The following RGS17 variants were observed in gnomAD, a reference collection of about 807,000 sequenced individuals.
The protein encoded by RGS17 is regulator of G protein signaling 17.
RGS17 carries 12 observed loss-of-function variants against 25.5 expected under a neutral mutation model. The ratio of observed to expected loss-of-function variants is 0.47; its 90% CI spans 0.30 to 0.76. The LOEUF (loss-of-function observed/expected upper bound fraction) is 0.76, where lower values mean the gene tolerates loss of function less well. Among genes scored for constraint, RGS17 ranks in the 30% least tolerant of loss-of-function variants. The pLI, the probability that RGS17 is intolerant of heterozygous loss-of-function variation, is 0.07. For missense variants in RGS17, 196 were observed against 242.2 expected (o/e 0.81, Z 1.27); for synonymous variants, 71 against 76.9 (o/e 0.92, Z 0.40).
At position 153,027,852 on chromosome 6, in the gene RGS17, A is replaced by T. The variant is rs377745975; in HGVS notation, c.120-1309T>A. Reference sequence around the variant, plus strand: ...TGTGAATGCAAAGAAGGGTCACTAAACATCGTTGGTATGGAAAGAAAGTGT... The same window carrying T: ...TGTGAATGCAAAGAAGGGTCACTAATCATCGTTGGTATGGAAAGAAAGTGT... On this transcript the variant is annotated intron_variant, in intron 2 of 4. Coordinates refer to ENST00000206262, the MANE Select transcript of RGS17 (RefSeq NM_012419.5). Among the ~76,000 whole-genome samples the T allele has an allele frequency of 4.6e-5, 7 of 152,338 alleles. 1 individual carries two copies. The highest frequency in any genetic ancestry group is 1.9e-4 in the East Asian group (1 of 5,178).
intron 4 of RGS17, chr6:153,023,367 G>A (rs1779265654): frequency 2.0e-6 from 1 of 510,118 alleles, no homozygotes; most frequent in South Asian, 1.4e-5. Flanking sequence ...GGCTGGGATG[G>A]AAAAGAGAAG....
rs1779096606 is a variant in RGS17 at position 153,008,240 on chromosome 6, C to A, written c.*3334G>T. 6.6e-6 allele frequency: 1 copy of A among 152,040 alleles called. No homozygotes were observed. Among genetic ancestry groups the A allele is most frequent in the Admixed American group, 6.6e-5 (1 of 15,260 alleles). 9.4% of individuals were successfully genotyped at this position (152,040 alleles called of 1,614,324 possible). A position where few individuals can be genotyped will look rare whatever the true frequency, so the allele number is the denominator to read the frequency against. ...ACGTATTTCATTCTGTAAGTCAGAA[C>A]CTAGGCAGCATTAAAGGATACTAAT... On this transcript the variant is annotated 3_prime_UTR_variant, in exon 5 of 5. Transcript: ENST00000206262.
chr6:153,011,873 T>A, intron 4 of RGS17, 111 bp from the exon 5 acceptor site: 2 of 727,376 alleles, frequency 2.7e-6, no homozygotes, highest in Non-Finnish European at 4.3e-6. Context: ...CAAATCCAAC[T>A]ACCAAAAGTC....
intron 4 of RGS17, among the ~76,000 whole-genome samples, chr6:153,016,431 A>G (rs549587297): frequency 1.3e-5 from 2 of 152,250 alleles, no homozygotes; most frequent in African/African-American, 4.8e-5. Flanking sequence ...AGGAAACCTT[A>G]CATTAGAGAT....
In RGS17 at chr6:153,005,458, C is replaced by T. The variant is rs1218613545; in HGVS notation, c.*6116G>A. 1 of 152,144 alleles carries T rather than the reference C, an allele frequency of 6.6e-6. No individual in the cohort carries two copies. Among genetic ancestry groups the T allele is most frequent in the African/African-American group, 2.4e-5 (1 of 41,430 alleles). The allele number at this position is 152,144 out of a possible 1,614,324, so 9.4% of individuals were successfully genotyped here. The stretch of plus-strand genomic sequence containing the variant: ...CTTCAATATAATCTCTTTAAAAACG[C>T]ATTACTTTACAGTGGAGAAATATAA... On this transcript the variant is annotated 3_prime_UTR_variant, in exon 5 of 5. Coordinates refer to ENST00000206262, the MANE Select transcript of RGS17 (RefSeq NM_012419.5).
intron 3 of RGS17, among the ~76,000 whole-genome samples, chr6:153,025,689 T>C (rs1779293233): frequency 8.3e-6 from 1 of 120,876 alleles, no homozygotes; most frequent in South Asian, 3.0e-4. Flanking sequence ...TATATAAACA[T>C]ATATATAAAA....
chr6:153,110,065 T>C (rs1481787777), intron 1 of RGS17, among the ~76,000 whole-genome samples: 1 of 152,236 alleles, frequency 6.6e-6, no homozygotes, highest in East Asian at 1.9e-4. Context: ...TTCTAGGAAA[T>C]ACCATGGTAT....
intron 1 of RGS17, among the ~76,000 whole-genome samples, chr6:153,091,567 C>T (rs1409769241): frequency 1.3e-5 from 2 of 151,780 alleles, no homozygotes; most frequent in African/African-American, 2.4e-5. Flanking sequence ...CAGGATTGCA[C>T]ACAGGTGCAA....
intron 4 of RGS17, among the ~76,000 whole-genome samples, chr6:153,020,187 A>G (rs1162159570): frequency 2.8e-5 from 3 of 105,974 alleles, no homozygotes; most frequent in African/African-American, 7.4e-5. Context: ...AGAGTCTCGC[A>G]CTTTTGCCCA....
intron 1 of RGS17, among the ~76,000 whole-genome samples, chr6:153,071,863 C>A (rs1046149545): frequency 6.6e-6 from 1 of 152,020 alleles, no homozygotes; most frequent in Non-Finnish European, 1.5e-5. Flanking sequence ...ACTCTTTGGG[C>A]AAGTTATCTA....
chr6:153,083,600 T>C (rs373086416), intron 1 of RGS17, among the ~76,000 whole-genome samples: 2 of 152,148 alleles, frequency 1.3e-5, no homozygotes, highest in African/African-American at 4.8e-5. Context: ...TTTTGGACAA[T>C]ATTTATAGGG....
intron 1 of RGS17, among the ~76,000 whole-genome samples, chr6:153,121,850 G>A (rs1476285753): frequency 6.6e-6 from 1 of 152,024 alleles, no homozygotes; most frequent in Non-Finnish European, 1.5e-5. Context: ...CAAGAAAAGG[G>A]CTTCACATTT....
intron 1 of RGS17, among the ~76,000 whole-genome samples, chr6:153,087,747 C>T (rs1047385389): frequency 1.3e-5 from 2 of 152,190 alleles, no homozygotes; most frequent in African/African-American, 4.8e-5. Context: ...AGAGAGGATA[C>T]TTAATGAGCT....
At chr6:153,015,778 T>C (rs534076611) in intron 4 of RGS17, among the ~76,000 whole-genome samples, 13 of 152,102 alleles carry the variant, frequency 8.5e-5, no homozygotes, top group African/African-American at 2.2e-4. Context: ...CTCAGCCTCC[T>C]GAGTAGCGGG....
At position 153,009,587 on chromosome 6, in the gene RGS17, A is replaced by C. The variant is rs189471165; in HGVS notation, c.*1987T>G. The stretch of plus-strand genomic sequence containing the variant: ...ATTCAAATAGTATTTAAATGACATG[A>C]ATAAAATATGTCTTAACACACTAAC... On this transcript the variant is annotated 3_prime_UTR_variant, in exon 5 of 5. Transcript: ENST00000206262. 8 of 152,104 alleles carry C rather than the reference A, an allele frequency of 5.3e-5. No individual in the cohort carries two copies. The highest frequency in any genetic ancestry group is 1.9e-4 in the African/African-American group (8 of 41,552). 9.4% of individuals were successfully genotyped at this position (152,104 alleles called of 1,614,324 possible). A position where few individuals can be genotyped will look rare whatever the true frequency, so the allele number is the denominator to read the frequency against.
intron 2 of RGS17, among the ~76,000 whole-genome samples, chr6:153,030,345 G>A (rs1779347423): frequency 1.3e-5 from 2 of 152,090 alleles, no homozygotes; most frequent in Admixed American, 1.3e-4. Flanking sequence ...GAAAACAATT[G>A]GTTCTTAAGA....
chr6:153,090,303 G>T (rs1215878207), intron 1 of RGS17, among the ~76,000 whole-genome samples: 1 of 151,902 alleles, frequency 6.6e-6, no homozygotes, highest in Non-Finnish European at 1.5e-5. Flanking sequence ...GTCAACTATG[G>T]TCCAAAAATA....
At chr6:153,129,411 A>T (rs553989742) in intron 1 of RGS17, among the ~76,000 whole-genome samples, 2 of 152,372 alleles carry the variant, frequency 1.3e-5, no homozygotes, top group East Asian at 3.9e-4. Flanking sequence ...ACTACAGAAG[A>T]CTTCGGAAAC....
intron 1 of RGS17, among the ~76,000 whole-genome samples, chr6:153,097,607 A>T (rs1475983904): frequency 1.3e-5 from 2 of 152,000 alleles, no homozygotes; most frequent in African/African-American, 4.8e-5. Context: ...CACTGAGAAG[A>T]ATCTCAGTGT....
Sources: gnomAD v4.1 joint callset for allele counts (sites outside exome capture counted in the v4.1 genomes callset) on GRCh38, gnomAD v4.1.1 for gene constraint, MANE v1.5 for transcripts, NCBI Gene and HGNC (gene_info 2026-07-23, HGNC 2026-07-21) for gene names.